The following PDZD2 variants were observed in gnomAD, a reference collection of about 807,000 sequenced individuals.
PDZD2 encodes the protein PDZ domain containing 2, also known as PDZ domain-containing protein 2.
A neutral mutation model predicts 220.7 loss-of-function variants in PDZD2; 90 were observed. That is an observed-to-expected ratio of 0.41 (90% CI 0.34 to 0.49). PDZD2 has a LOEUF of 0.49. Ranked by LOEUF, PDZD2 falls within the 20% of genes least tolerant of loss-of-function variation. The pLI is 0.28. For missense variants in PDZD2, 3,174 were observed against 3,608.5 expected (o/e 0.88, Z 3.08); for synonymous variants, 1,375 against 1,450.5 (o/e 0.95, Z 1.18).
intron 2 of PDZD2, among the ~76,000 whole-genome samples, chr5:31,939,528 G>A (rs1355265404): frequency 6.6e-6 from 1 of 152,228 alleles, no homozygotes; most frequent in African/African-American, 2.4e-5. Flanking sequence ...GCTGGAGGGT[G>A]AGTAACCTCT....
intron 10 of PDZD2, among the ~76,000 whole-genome samples, chr5:32,056,661 T>C (rs1739112908): frequency 6.6e-6 from 1 of 152,126 alleles, no homozygotes. Flanking sequence ...ATAGGAGAGC[T>C]GGGGCAGGGG....
At chr5:31,696,833 C>T (rs1043980266) in intron 1 of PDZD2, among the ~76,000 whole-genome samples, 2 of 152,154 alleles carry the variant, frequency 1.3e-5, no homozygotes, top group African/African-American at 4.8e-5. Context: ...GCTTTAGGTA[C>T]GCTGAATGAG....
rs375728000 is a variant in PDZD2 at position 31,975,802 on chromosome 5, TATTTA to T, written c.477-7352_477-7348del. Among the ~76,000 whole-genome samples, 1,002 of 68,222 alleles carry T rather than the reference TATTTA, an allele frequency of 0.015. 198 individuals are homozygous for T. The East Asian group carries it at 0.19, about 13-fold the overall frequency. 44.8% of individuals were successfully genotyped at this position (68,222 alleles called of 152,430 possible). On this transcript the variant is annotated intron_variant, in intron 2 of 24. Coordinates refer to ENST00000438447, the MANE Select transcript of PDZD2 (RefSeq NM_178140.4). ...CTGAAGGTATCAGTCACTTTTTTTTTATTTATTTTTTTTTTTTTTGAGACAAGGTC... is the reference window on the plus strand; with the variant it reads ...CTGAAGGTATCAGTCACTTTTTTTTTTTTTTTTTTTTTTTGAGACAAGGTC...
intron 24 of PDZD2, 128 bp downstream of exon 24, chr5:32,101,367 A>ATGCTT: frequency 1.1e-6 from 1 of 881,686 alleles, no homozygotes; most frequent in South Asian, 1.8e-5. Context: ...TGTGACATAC[A>ATGCTT]AGGTTTATTC....
At chr5:31,933,967 C>T (rs999282890) in intron 2 of PDZD2, among the ~76,000 whole-genome samples, 5 of 152,058 alleles carry the variant, frequency 3.3e-5, no homozygotes, top group East Asian at 1.9e-4. Flanking sequence ...CTACGTGGCT[C>T]GTTTTGTGAG....
intron 1 of PDZD2, among the ~76,000 whole-genome samples, chr5:31,784,192 G>A (rs10066653): frequency 0.57 from 86,074 of 151,958 alleles, 24,607 homozygotes; most frequent in East Asian, 0.72. Flanking sequence ...CATTCTGAGC[G>A]CATCAAAACT....
intron 24 of PDZD2, among the ~76,000 whole-genome samples, chr5:32,107,620 G>A (rs368710848): frequency 1.8e-4 from 28 of 152,312 alleles, no homozygotes; most frequent in African/African-American, 6.3e-4. Context: ...TTCAGCTGTT[G>A]ATTTCCTTAC....
chr5:31,858,917 C>CT (rs1758692470), intron 2 of PDZD2, among the ~76,000 whole-genome samples: 1 of 152,120 alleles, frequency 6.6e-6, no homozygotes, highest in Non-Finnish European at 1.5e-5. Flanking sequence ...CGGGGTTTCA[C>CT]CATGTTGCCC....
chr5:32,070,661 G>T (rs1243561401), intron 15 of PDZD2, among the ~76,000 whole-genome samples: 1 of 152,204 alleles, frequency 6.6e-6, no homozygotes, highest in Non-Finnish European at 1.5e-5. Context: ...AATCCATTCA[G>T]CAATTATCAC....
chr5:31,772,958 C>A (rs1003538783), intron 1 of PDZD2, among the ~76,000 whole-genome samples: 9 of 152,156 alleles, frequency 5.9e-5, no homozygotes, highest in Non-Finnish European at 1.2e-4. Flanking sequence ...CATGGAGTGT[C>A]AGAAAGCCCC....
In PDZD2 at chr5:31,716,812, T is replaced by C. The variant is rs1748477986; in HGVS notation, c.-361+77375T>C. 1.3e-5 allele frequency among the ~76,000 whole-genome samples: 2 copies of C among 152,058 alleles called. 1 individual carries two copies. Among genetic ancestry groups the C allele is most frequent in the Non-Finnish European group, 2.9e-5 (2 of 67,998 alleles). ...AGGGTGACTCAGTCTCGGAAAAATA[T>C]AAAAAATAGAATTGGCAAGTTTGAA... On this transcript the variant is annotated intron_variant, in intron 1 of 24. Coordinates refer to ENST00000438447, the MANE Select transcript of PDZD2 (RefSeq NM_178140.4).
intron 1 of PDZD2, among the ~76,000 whole-genome samples, chr5:31,640,205 C>A (rs1323316211): frequency 6.6e-6 from 1 of 152,116 alleles, no homozygotes; most frequent in Non-Finnish European, 1.5e-5. Flanking sequence ...GGGTCCAGGA[C>A]CCCTGGCAGG....
chr5:31,979,348 T>A (rs905656938), intron 2 of PDZD2, among the ~76,000 whole-genome samples: 8 of 152,102 alleles, frequency 5.3e-5, no homozygotes, highest in Non-Finnish European at 1.2e-4. Context: ...GGTGGGTGGA[T>A]CACCTGAGGT....
chr5:32,022,185 G>GTTTTTTTTTTT (rs145876120), intron 6 of PDZD2, among the ~76,000 whole-genome samples: 87 of 135,578 alleles, frequency 6.4e-4, no homozygotes, highest in Non-Finnish European at 8.7e-4. Context: ...TTGTTTTTTT[G>GTTTTTTTTTTT]TTTTTTTGTT....
In PDZD2 at chr5:31,818,794, G is replaced by A. The variant is rs201611910; in HGVS notation, c.476+19070G>A. On this transcript the variant is annotated intron_variant, in intron 2 of 24. Transcript: ENST00000438447. Reference sequence around the variant, plus strand: ...TAAAGAAAAGAACAACTTGTGATTCGCCTACACTAATTCTCCATTAATTTA... The same window carrying A: ...TAAAGAAAAGAACAACTTGTGATTCACCTACACTAATTCTCCATTAATTTA... Among the ~76,000 whole-genome samples the A allele has an allele frequency of 8.5e-5, 13 of 152,172 alleles. No individual in the cohort carries two copies. The East Asian group carries it at 1.4e-3, about 16-fold the overall frequency.
At chr5:31,674,391 T>C (rs1044371132) in intron 1 of PDZD2, among the ~76,000 whole-genome samples, 5 of 152,236 alleles carry the variant, frequency 3.3e-5, no homozygotes, top group Admixed American at 2.0e-4. Flanking sequence ...TGAACTGTCT[T>C]GTCATTAATG....
At chr5:31,973,065 G>A (rs1749447585) in intron 2 of PDZD2, among the ~76,000 whole-genome samples, 1 of 152,172 alleles carries the variant, frequency 6.6e-6, no homozygotes, top group South Asian at 2.1e-4. Flanking sequence ...AGAATTTTCT[G>A]CTTCATTTAG....
At chr5:31,771,893 G>T (rs1198505505) in intron 1 of PDZD2, among the ~76,000 whole-genome samples, 1 of 152,012 alleles carries the variant, frequency 6.6e-6, no homozygotes, top group Non-Finnish European at 1.5e-5. Flanking sequence ...GAGATAATTA[G>T]ATTAGATGAG....
chr5:31,709,035 G>A (rs373081726), intron 1 of PDZD2, among the ~76,000 whole-genome samples: 1 of 151,624 alleles, frequency 6.6e-6, no homozygotes, highest in African/African-American at 2.4e-5. Context: ...TTACAGGCAC[G>A]CACCACCACG....
Sources: gnomAD v4.1 joint callset for allele counts (sites outside exome capture counted in the v4.1 genomes callset) on GRCh38, gnomAD v4.1.1 for gene constraint, MANE v1.5 for transcripts, NCBI Gene and HGNC (gene_info 2026-07-23, HGNC 2026-07-21) for gene names.